Variants in RAB27A observed in about 807,000 individuals in gnomAD.
RAB27A encodes RAB27A, member RAS oncogene family.
RAB27A carries 17 observed loss-of-function variants against 20.8 expected under a neutral mutation model. The observed-to-expected ratio is 0.82, with a 90% confidence interval of 0.56 to 1.23. The LOEUF (loss-of-function observed/expected upper bound fraction) is 1.23. Ranked by LOEUF, RAB27A falls within the 50% of genes most tolerant of loss-of-function variation. The pLI is 0.00. For synonymous variants in RAB27A, 85 were observed against 92.8 expected (o/e 0.92, Z 0.48); for missense variants, 277 against 266.7 (o/e 1.04, Z -0.27).
rs1209187782 is a variant in RAB27A, at chr15:55,318,470, C to T, written c.-234+461G>A. Among the ~76,000 whole-genome samples, 3 of 149,300 alleles carry T rather than the reference C, an allele frequency of 2.0e-5. No individual in the cohort carries two copies. The East Asian group carries it at 6.3e-4, about 31-fold the overall frequency. On this transcript the variant is annotated intron_variant, in intron 1 of 5. Transcript: ENST00000563262. ...CTGTAATCCCAACACTTTGGGAGGC[C>T]GAGGCGGGCGGATCACGAGGTCAGG... is the stretch of plus-strand genomic sequence containing the variant.
intron 2 of RAB27A, among the ~76,000 whole-genome samples, chr15:55,312,526 C>T (rs115506449): frequency 0.011 from 1,732 of 152,300 alleles, 30 homozygotes; most frequent in African/African-American, 0.039. Flanking sequence ...GTGTATGAAG[C>T]TTCCAATTGT....
At chr15:55,222,254 C>G (rs1017994484) in intron 6 of RAB27A, among the ~76,000 whole-genome samples, 1 of 152,230 alleles carries the variant, frequency 6.6e-6, no homozygotes, top group Non-Finnish European at 1.5e-5. Flanking sequence ...AAAACCTCTA[C>G]ATGCAATTGC....
intron 2 of RAB27A, among the ~76,000 whole-genome samples, chr15:55,313,299 T>C (rs2055029021): frequency 1.3e-5 from 2 of 152,174 alleles, no homozygotes; most frequent in Non-Finnish European, 2.9e-5. Context: ...ACAACTATAG[T>C]CGATGAGACG....
chr15:55,274,013 A>G (rs190080038), intron 1 of RAB27A, among the ~76,000 whole-genome samples: 4 of 152,328 alleles, frequency 2.6e-5, no homozygotes, highest in African/African-American at 9.6e-5. Flanking sequence ...AACAAGTCTC[A>G]ACAAATTTAA....
intron 2 of RAB27A, among the ~76,000 whole-genome samples, chr15:55,295,752 A>T (rs2054945928): frequency 6.6e-6 from 1 of 152,172 alleles, no homozygotes; most frequent in South Asian, 2.1e-4. Context: ...TGAGGTGATG[A>T]AACTGTCTTG....
chr15:55,275,931 A>AAAAAC (rs1897858436), intron 1 of RAB27A, among the ~76,000 whole-genome samples: 1 of 150,088 alleles, frequency 6.7e-6, no homozygotes, highest in Admixed American at 6.6e-5. Context: ...AAAAAAAAAA[A>AAAAAC]AAAAAAAAAC....
At chr15:55,286,841 G>C (rs199645025) in intron 1 of RAB27A, among the ~76,000 whole-genome samples, 2 of 151,728 alleles carry the variant, frequency 1.3e-5, no homozygotes, top group East Asian at 3.9e-4. Flanking sequence ...CAGTAATCCA[G>C]GTGACAGAGA....
At chr15:55,276,809 G>C (rs1897886719) in intron 1 of RAB27A, among the ~76,000 whole-genome samples, 1 of 152,110 alleles carries the variant, frequency 6.6e-6, no homozygotes, top group Non-Finnish European at 1.5e-5. Flanking sequence ...AGTGTTAATT[G>C]TTCTTACCAC....
chr15:55,316,827 C>T (rs1403283222), intron 1 of RAB27A, among the ~76,000 whole-genome samples: 4 of 152,138 alleles, frequency 2.6e-5, no homozygotes, highest in African/African-American at 9.7e-5. Context: ...TGATCTGAGC[C>T]ATCCCAACTC....
At position 55,303,093 on chromosome 15, in the gene RAB27A, G is replaced by GCC. The variant is rs1033073378; in HGVS notation, c.-112+10944_-112+10945dup. ...ATCCGGGAGGGAGGTGGGGGGGTCAGCCCCCCGCCTGGCCAGCCGTGCCGT... is the reference window on the plus strand; with the variant it reads ...ATCCGGGAGGGAGGTGGGGGGGTCAGCCCCCCCCGCCTGGCCAGCCGTGCCGT... On this transcript the variant is annotated intron_variant, in intron 2 of 5. Coordinates refer to the RAB27A transcript ENST00000563262. Among the ~76,000 whole-genome samples, 7 of 136,004 alleles carry GCC rather than the reference G, an allele frequency of 5.1e-5. No homozygotes were observed. In the South Asian group the frequency reaches 1.7e-3, roughly 33 times the overall value. 89.2% of individuals were successfully genotyped at this position (136,004 alleles called of 152,430 possible). A position where few individuals can be genotyped will look rare whatever the true frequency, so the allele number is the denominator to read the frequency against.
intron 1 of RAB27A, chr15:55,317,507 G>T: frequency 3.0e-6 from 1 of 335,296 alleles, no homozygotes; most frequent in Non-Finnish European, 5.4e-6. Context: ...TAGAGACAGG[G>T]TTTCACCATG....
At chr15:55,214,415 G>A (rs1450946915) in intron 6 of RAB27A, among the ~76,000 whole-genome samples, 6 of 152,160 alleles carry the variant, frequency 3.9e-5, no homozygotes, top group Admixed American at 6.5e-5. Flanking sequence ...CAGCCTGGGC[G>A]ACAGAGCGAG....
chr15:55,231,459 T>C (rs2140981336), intron 3 of RAB27A, among the ~76,000 whole-genome samples: 1 of 152,292 alleles, frequency 6.6e-6, no homozygotes, highest in Admixed American at 6.5e-5. Context: ...ATCAACTTTT[T>C]CAGTACTCTA....
chr15:55,255,814 T>C (rs1055648583), intron 2 of RAB27A, among the ~76,000 whole-genome samples: 1 of 152,030 alleles, frequency 6.6e-6, no homozygotes, highest in Non-Finnish European at 1.5e-5. Flanking sequence ...AAAGGACGGA[T>C]AAGACAATAT....
At chr15:55,303,779 G>A (rs2054985524) in intron 2 of RAB27A, among the ~76,000 whole-genome samples, 1 of 131,502 alleles carries the variant, frequency 7.6e-6, no homozygotes. Flanking sequence ...CCCCGTCCGG[G>A]AGGGAGGTGG....
Position 55,240,701 on chromosome 15 carries a change from T to C in RAB27A, c.-22-5745A>G, listed in dbSNP as rs773512233. The stretch of plus-strand genomic sequence containing the variant: ...ATGTAACTTTGGAAAATTTATTTAG[T>C]CTCTTTTGCCTTGGGCTCCTCACCT... On this transcript the variant is annotated intron_variant, in intron 2 of 6. Transcript: ENST00000336787. 2.6e-5 allele frequency among the ~76,000 whole-genome samples: 4 copies of C among 152,290 alleles called. No individual in the cohort carries two copies. In the South Asian group the frequency reaches 8.3e-4, roughly 32 times the overall value.
In RAB27A at chr15:55,219,690, T is replaced by C. The variant is rs74520893; in HGVS notation, c.467+4199A>G. The stretch of plus-strand genomic sequence containing the variant: ...TCTCTTCTACTTGTCACTGACTTCG[T>C]AGCTATCTTTTTAAAGTGTTTCAGT... On this transcript the variant is annotated intron_variant, in intron 6 of 6. Transcript: ENST00000336787. Among the ~76,000 whole-genome samples the C allele has an allele frequency of 2.2e-3, 338 of 152,352 alleles. 16 individuals are homozygous for C. In the East Asian group the frequency reaches 0.058, roughly 26 times the overall value.
chr15:55,241,612 A>ATG (rs1555395466), intron 2 of RAB27A, among the ~76,000 whole-genome samples: 4 of 129,052 alleles, frequency 3.1e-5, no homozygotes, highest in African/African-American at 1.7e-4. Flanking sequence ...ATATATATAT[A>ATG]TATATATATA....
intron 1 of RAB27A, among the ~76,000 whole-genome samples, chr15:55,273,418 A>T (rs1489817085): frequency 6.6e-6 from 1 of 151,110 alleles, no homozygotes; most frequent in African/African-American, 2.4e-5. Context: ...CAAAAAAAAA[A>T]AAATAAAAAT....
Sources: gnomAD v4.1 joint callset for allele counts (sites outside exome capture counted in the v4.1 genomes callset) on GRCh38, gnomAD v4.1.1 for gene constraint, MANE v1.5 for transcripts, NCBI Gene and HGNC (gene_info 2026-07-23, HGNC 2026-07-21) for gene names.